CACNA1D: variants seen among roughly 807,000 people sequenced by gnomAD.
The protein encoded by CACNA1D is calcium voltage-gated channel subunit alpha1 D, also known as voltage-dependent L-type calcium channel subunit alpha-1D.
Under a neutral mutation model 257.1 loss-of-function variants are expected in CACNA1D, and 55 were observed. That is an observed-to-expected ratio of 0.21 (90% CI 0.17 to 0.27). CACNA1D has a LOEUF of 0.27. CACNA1D is among the 10% of genes least tolerant of loss of function. CACNA1D has a pLI of 1.00. For synonymous variants in CACNA1D, 980 were observed against 1,014.9 expected (o/e 0.97, Z 0.65); for missense variants, 1,876 against 2,784.0 (o/e 0.67, Z 7.34).
At chr3:53,685,541 C>T (rs1401493) in intron 8 of CACNA1D, among the ~76,000 whole-genome samples, 3,690 of 152,146 alleles carry the variant, frequency 0.024, 156 homozygotes, top group African/African-American at 0.084. Flanking sequence ...TTTCAGAGCA[C>T]GTGGAACATT....
chr3:53,698,679 C>A (rs1293265167), intron 8 of CACNA1D, among the ~76,000 whole-genome samples: 1 of 152,210 alleles, frequency 6.6e-6, no homozygotes, highest in Non-Finnish European at 1.5e-5. Flanking sequence ...GTCACTCCAA[C>A]CTTGATTCCT....
At chr3:53,697,346 A>AT (rs1159874233) in intron 8 of CACNA1D, among the ~76,000 whole-genome samples, 1 of 152,124 alleles carries the variant, frequency 6.6e-6, no homozygotes, top group Non-Finnish European at 1.5e-5. Context: ...GTTGGATACA[A>AT]TTTTTTGTAC....
intron 23 of CACNA1D, 105 bp downstream of exon 23, chr3:53,744,932 T>A: frequency 1.4e-6 from 1 of 739,700 alleles, no homozygotes; most frequent in East Asian, 2.6e-5. Context: ...ATTTTTAAAG[T>A]GAGTTATAAG....
intron 14 of CACNA1D, among the ~76,000 whole-genome samples, chr3:53,725,602 T>C (rs1238676786): frequency 6.6e-6 from 1 of 152,184 alleles, no homozygotes; most frequent in African/African-American, 2.4e-5. Context: ...CTCCCCTCAG[T>C]GGAGAGCATG....
rs759455399 is a variant in CACNA1D, at chr3:53,731,085, G to A, written c.2345G>A (p.Ser782Asn). 3 of 1,601,992 alleles carry A rather than the reference G, an allele frequency of 1.9e-6. No homozygotes were observed. Among genetic ancestry groups the A allele is most frequent in the Non-Finnish European group, 2.6e-6 (3 of 1,169,056 alleles). ...TTTTCTCTTCTCTTTAGAAAAGAGA[G>A]CCTAGAAAATAAAAAGAACAACAAA... ...KERKKIARKE[S>N]LENKKNNKPE... Residue 782 changes from serine (S) to asparagine (N), a missense_variant, in exon 17 of 48, where the codon AGC (serine) becomes AAC (asparagine). This residue lies in a region of CACNA1D where 78 missense variants were observed against 69.2 expected (regional missense o/e 1.13). Coordinates refer to ENST00000350061, the MANE Select transcript of CACNA1D (RefSeq NM_001128840.3).
At chr3:53,569,192 A>G (rs1222654585) in intron 3 of CACNA1D, among the ~76,000 whole-genome samples, 1 of 152,138 alleles carries the variant, frequency 6.6e-6, no homozygotes, top group Admixed American at 6.5e-5. Flanking sequence ...CGCTCCCTCA[A>G]TGATCTTACC....
chr3:53,702,402 T>C (rs2094635629), intron 8 of CACNA1D, among the ~76,000 whole-genome samples: 1 of 152,132 alleles, frequency 6.6e-6, no homozygotes, highest in South Asian at 2.1e-4. Flanking sequence ...GGGAGTTCAT[T>C]TTCTAAGAAA....
chr3:53,707,635 T>C (rs908824390), intron 9 of CACNA1D, among the ~76,000 whole-genome samples: 8 of 152,244 alleles, frequency 5.3e-5, no homozygotes, highest in African/African-American at 1.7e-4. Context: ...AACTTTTTGC[T>C]GAGCTTCAAG....
In CACNA1D at chr3:53,786,348, C is replaced by T. The variant is rs986517153; in HGVS notation, c.4793-474C>T. On this transcript the variant is annotated intron_variant, in intron 39 of 47. Coordinates refer to ENST00000350061, the MANE Select transcript of CACNA1D (RefSeq NM_001128840.3). ...TTCTAAACCTTCCTCTCCTTCTGAG[C>T]ATGTATGTCACCTTTCTAGGTCTCT... 12 of 168,030 alleles carry T rather than the reference C, an allele frequency of 7.1e-5. No individual in the cohort carries two copies. The East Asian group carries it at 8.1e-4, about 11-fold the overall frequency. 10.4% of individuals were successfully genotyped at this position (168,030 alleles called of 1,614,324 possible).
intron 3 of CACNA1D, among the ~76,000 whole-genome samples, chr3:53,564,549 T>A (rs2092799774): frequency 6.6e-6 from 1 of 152,240 alleles, no homozygotes. Flanking sequence ...GGCTTGTCCT[T>A]TTGATCTCTT....
In CACNA1D at chr3:53,495,644, A is replaced by G. The variant is rs1455584847; in HGVS notation, c.67+411A>G. ...CTCCTCCCCCGCCCCCTCGTTGACTAGGAAGAAGGTCCCTGGTGGCATCCG... is the reference window on the plus strand; with the variant it reads ...CTCCTCCCCCGCCCCCTCGTTGACTGGGAAGAAGGTCCCTGGTGGCATCCG... On this transcript the variant is annotated intron_variant, in intron 1 of 47. Coordinates refer to ENST00000350061, the MANE Select transcript of CACNA1D (RefSeq NM_001128840.3). This position sits in a 1 kb window ranked among gnomAD's most constrained non-coding sequence, Gnocchi z 5.1. 2.0e-5 allele frequency among the ~76,000 whole-genome samples: 3 copies of G among 152,102 alleles called. No individual in the cohort carries two copies. The highest frequency in any genetic ancestry group is 4.4e-5 in the Non-Finnish European group (3 of 67,988).
chr3:53,727,563 G>A (rs536427423), intron 15 of CACNA1D, among the ~76,000 whole-genome samples: 1 of 151,990 alleles, frequency 6.6e-6, no homozygotes, highest in Non-Finnish European at 1.5e-5. Flanking sequence ...CTGTCGAGAG[G>A]CACCCTCTAA....
intron 21 of CACNA1D, among the ~76,000 whole-genome samples, chr3:53,741,215 T>C (rs1030786364): frequency 3.9e-5 from 6 of 152,168 alleles, no homozygotes; most frequent in African/African-American, 1.4e-4. Context: ...GCGTGGGTCA[T>C]TGTGGTTCTG....
Position 53,811,359 on chromosome 3 carries a change from G to A in CACNA1D, c.6439G>A (p.Asp2147Asn). 6.3e-7 allele frequency: 1 copy of A among 1,593,542 alleles called. No homozygotes were observed. Among genetic ancestry groups the A allele is most frequent in the Non-Finnish European group, 8.6e-7 (1 of 1,166,934 alleles). The change falls in exon 48 of 48, where the codon GAT becomes AAT. Residue 2147 changes from aspartate (D) to asparagine (N), a missense_variant. Physicochemically the swap from Asp to Asn is conservative, Grantham distance 23. Transcript: ENST00000350061. The surrounding 1 kb of genome is among the most constrained non-coding windows in gnomAD (Gnocchi z 4.2). The part of the protein sequence containing the change: ...YSDEEPDPGR[D>N]EEDLADEMIC... ...CGACGAAGAGCCAGACCCTGGGAGGGATGAGGAGGACCTGGCGGATGAAAT... is the reference window on the plus strand; with the variant it reads ...CGACGAAGAGCCAGACCCTGGGAGGAATGAGGAGGACCTGGCGGATGAAAT...
intron 44 of CACNA1D, among the ~76,000 whole-genome samples, chr3:53,804,429 C>A (rs945058613): frequency 2.6e-5 from 4 of 152,228 alleles, no homozygotes; most frequent in African/African-American, 7.2e-5. Context: ...CTCATCCCCC[C>A]TGTCGAGGGC....
chr3:53,546,696 A>G (rs1365708447), intron 3 of CACNA1D, among the ~76,000 whole-genome samples: 1 of 152,184 alleles, frequency 6.6e-6, no homozygotes, highest in Non-Finnish European at 1.5e-5. Context: ...GCCAGGCTCA[A>G]CTTACCAGCA....
intron 4 of CACNA1D, among the ~76,000 whole-genome samples, chr3:53,654,962 G>GGT (rs2094134524): frequency 6.6e-6 from 1 of 152,100 alleles, no homozygotes; most frequent in Admixed American, 6.5e-5. Flanking sequence ...TTTAAACCTA[G>GGT]GTAAATCCTT....
At chr3:53,572,825 T>C (rs1264121876) in intron 3 of CACNA1D, among the ~76,000 whole-genome samples, 1 of 152,186 alleles carries the variant, frequency 6.6e-6, no homozygotes, top group African/African-American at 2.4e-5. Flanking sequence ...AGTGGCCTTT[T>C]AAAAACAAAG....
At chr3:53,643,872 C>G (rs1387749288) in intron 3 of CACNA1D, among the ~76,000 whole-genome samples, 1 of 152,184 alleles carries the variant, frequency 6.6e-6, no homozygotes, top group African/African-American at 2.4e-5. Flanking sequence ...GGATGGAACA[C>G]CCTGCCTGGA....
Sources: allele counts gnomAD v4.1 joint callset (sites outside exome capture counted in the v4.1 genomes callset), GRCh38; gene constraint gnomAD v4.1.1; regional missense constraint gnomAD v4.1.1; non-coding constraint Gnocchi (gnomAD v3.1); transcripts MANE v1.5; gene names NCBI Gene and HGNC (gene_info 2026-07-23, HGNC 2026-07-21).